The following FSTL5 variants were observed in gnomAD, a reference collection of about 807,000 sequenced individuals.
The protein encoded by FSTL5 is follistatin like 5, also known as follistatin-related protein 5.
A neutral mutation model predicts 89.1 loss-of-function variants in FSTL5; 62 were observed. The observed-to-expected ratio is 0.70, with a 90% CI of 0.57 to 0.86. The LOEUF (loss-of-function observed/expected upper bound fraction) is 0.86, where lower values mean the gene tolerates loss of function less well. Ranked by LOEUF, FSTL5 falls within the 40% of genes least tolerant of loss-of-function variation. FSTL5 has a pLI of 0.00. For missense variants in FSTL5, 1,057 were observed against 1,001.6 expected, an observed-to-expected ratio of 1.06 and a Z score of -0.75; for synonymous variants, 383 against 346.2, an observed-to-expected ratio of 1.11 and a Z score of -1.18.
At chr4:161,796,079 A>C (rs1729624438) in intron 4 of FSTL5, among the ~76,000 whole-genome samples, 1 of 151,944 alleles carries the variant, frequency 6.6e-6, no homozygotes, top group African/African-American at 2.4e-5. Flanking sequence ...AATAGTTTAA[A>C]ATGTGTAGCC....
At chr4:161,616,654 C>T (rs574383678) in intron 7 of FSTL5, among the ~76,000 whole-genome samples, 16 of 151,992 alleles carry the variant, frequency 1.1e-4, no homozygotes, top group Admixed American at 3.9e-4. Context: ...CTAGAGAATC[C>T]TGATTAATAC....
intron 15 of FSTL5, among the ~76,000 whole-genome samples, chr4:161,432,901 A>T (rs1732429554): frequency 6.6e-6 from 1 of 152,060 alleles, no homozygotes; most frequent in Non-Finnish European, 1.5e-5. Context: ...AAACCTGAAC[A>T]TACTAATAAC....
intron 13 of FSTL5, among the ~76,000 whole-genome samples, chr4:161,480,258 A>G (rs1476174880): frequency 6.6e-6 from 1 of 152,214 alleles, no homozygotes; most frequent in Non-Finnish European, 1.5e-5. Context: ...TAAGATACAT[A>G]TATTTATTAT....
At chr4:161,780,140 T>C (rs1741607967) in intron 4 of FSTL5, among the ~76,000 whole-genome samples, 1 of 149,338 alleles carries the variant, frequency 6.7e-6, no homozygotes, top group Non-Finnish European at 1.5e-5. Context: ...TGCAATTGGT[T>C]GTATAATTAT....
At chr4:161,658,948 C>G (rs943467199) in intron 6 of FSTL5, among the ~76,000 whole-genome samples, 1 of 152,092 alleles carries the variant, frequency 6.6e-6, no homozygotes, top group Non-Finnish European at 1.5e-5. Context: ...CTTCACTAAC[C>G]CTTCCGCATC....
intron 15 of FSTL5, among the ~76,000 whole-genome samples, chr4:161,437,644 A>T (rs1732616893): frequency 6.6e-6 from 1 of 151,640 alleles, no homozygotes. Flanking sequence ...AAGAGAATGG[A>T]CACTTTATCA....
chr4:161,695,480 C>CATAT (rs58447642), intron 6 of FSTL5, among the ~76,000 whole-genome samples: 4,760 of 145,032 alleles, frequency 0.033, 95 homozygotes, highest in Non-Finnish European at 0.049. Flanking sequence ...AGACATATAT[C>CATAT]ATATATATAT....
At chr4:161,980,172 A>AGAAT (rs1735779828) in intron 3 of FSTL5, among the ~76,000 whole-genome samples, 1 of 151,180 alleles carries the variant, frequency 6.6e-6, no homozygotes, top group Admixed American at 6.6e-5. Flanking sequence ...AGAAAGAAAA[A>AGAAT]GAAAGAGAGG....
At chr4:161,872,819 G>T (rs79592407) in intron 4 of FSTL5, among the ~76,000 whole-genome samples, 2,131 of 152,166 alleles carry the variant, frequency 0.014, 21 homozygotes, top group Non-Finnish European at 0.022. Flanking sequence ...AAACTATAAG[G>T]ATTATGTTTT....
chr4:161,802,472 G>A (rs1029730258), intron 4 of FSTL5, among the ~76,000 whole-genome samples: 6 of 151,638 alleles, frequency 4.0e-5, no homozygotes, highest in African/African-American at 9.7e-5. Flanking sequence ...TGTTCTACTC[G>A]CATATACATT....
At chr4:161,946,608 T>C (rs1191750318) in intron 3 of FSTL5, among the ~76,000 whole-genome samples, 2 of 152,164 alleles carry the variant, frequency 1.3e-5, no homozygotes, top group African/African-American at 4.8e-5. Context: ...CATTATTCCA[T>C]TGCATGACAA....
chr4:161,570,841 T>G (rs1732981158), intron 8 of FSTL5, among the ~76,000 whole-genome samples: 1 of 151,992 alleles, frequency 6.6e-6, no homozygotes, highest in South Asian at 2.1e-4. Flanking sequence ...GGGAGCCGGG[T>G]GTGGTGGTTC....
At chr4:161,802,684 C>T (rs1729836210) in intron 4 of FSTL5, among the ~76,000 whole-genome samples, 1 of 151,480 alleles carries the variant, frequency 6.6e-6, no homozygotes, top group South Asian at 2.1e-4. Flanking sequence ...TCTATCATTG[C>T]CGCTAAAAAT....
chr4:161,717,075 C>G (rs1027768713), intron 6 of FSTL5, among the ~76,000 whole-genome samples: 1 of 152,006 alleles, frequency 6.6e-6, no homozygotes, highest in Admixed American at 6.6e-5. Context: ...ACAGACTTTC[C>G]CTTTGTTTTA....
rs748842658 is a variant in FSTL5, at chr4:161,385,791, C to T, written c.2500G>A (p.Glu834Lys). The T allele has an allele frequency of 1.2e-6, 2 of 1,607,916 alleles. No individual in the cohort carries two copies. The highest frequency in any genetic ancestry group is 8.5e-7 in the Non-Finnish European group (1 of 1,178,252). ...RLNKLNCEIT[E>K]VEKGNTVIWV... ...ATGACTGTATTTCCTTTTTCAACTT[C>T]AGTGATCTCACAGTTTAATTTATTG... The change falls in exon 16 of 16, where the codon GAA becomes AAA. Residue 834 changes from glutamate (E) to lysine (K), a missense_variant. Physicochemically the swap from Glu to Lys is moderately conservative, Grantham distance 56 (BLOSUM62 1). This residue lies in a region of FSTL5 where 68 missense variants were observed against 73.3 expected (regional missense o/e 0.93). Transcript: ENST00000306100.
chr4:162,090,260 GGTT>G (rs1321217830), intron 2 of FSTL5, among the ~76,000 whole-genome samples: 1 of 151,958 alleles, frequency 6.6e-6, no homozygotes, highest in Non-Finnish European at 1.5e-5. Context: ...ATTAAAATGG[GGTT>G]GTTTTTCTGC....
At chr4:162,144,883 A>T (rs1279972747) in intron 1 of FSTL5, among the ~76,000 whole-genome samples, 1 of 151,334 alleles carries the variant, frequency 6.6e-6, no homozygotes, top group East Asian at 1.9e-4. Flanking sequence ...ATTCACACAA[A>T]ATTATTCCTG....
chr4:161,588,395 G>A (rs911194619), intron 7 of FSTL5, among the ~76,000 whole-genome samples: 2 of 151,834 alleles, frequency 1.3e-5, no homozygotes, highest in African/African-American at 4.8e-5. Context: ...ACATAGAATA[G>A]CATTTATTTT....
At chr4:162,119,216 G>T (rs1018601551) in intron 1 of FSTL5, among the ~76,000 whole-genome samples, 15 of 146,232 alleles carry the variant, frequency 1.0e-4, no homozygotes, top group African/African-American at 3.8e-4. Context: ...AACAGAGTGA[G>T]ATCCTATCTC....
Sources: allele counts gnomAD v4.1 joint callset (sites outside exome capture counted in the v4.1 genomes callset), GRCh38; gene constraint gnomAD v4.1.1; regional missense constraint gnomAD v4.1.1; transcripts MANE v1.5; gene names NCBI Gene and HGNC (gene_info 2026-07-23, HGNC 2026-07-21).